CSE1L: variants seen among roughly 807,000 people sequenced by gnomAD.
CSE1L encodes chromosome segregation 1 like.
Under a neutral mutation model 120.4 loss-of-function variants are expected in CSE1L, and 24 were observed. The observed-to-expected ratio is 0.20, with a 90% confidence interval of 0.14 to 0.28. The LOEUF is 0.28. CSE1L is among the 10% of genes least tolerant of loss of function. The probability of loss-of-function intolerance (pLI) is 1.00; values close to 1 mark genes in which losing one functional copy is unlikely to be tolerated. For synonymous variants in CSE1L, 402 were observed against 398.3 expected, an observed-to-expected ratio of 1.01 and a Z score of -0.11; for missense variants, 830 against 1,145.2, an observed-to-expected ratio of 0.72 and a Z score of 3.97.
chr20:49,064,361 G>C (rs1015880940), intron 3 of CSE1L, among the ~76,000 whole-genome samples: 18 of 152,196 alleles, frequency 1.2e-4, no homozygotes, highest in African/African-American at 4.1e-4. Flanking sequence ...ATAAAAGAGA[G>C]AGTAAATATT....
chr20:49,055,896 A>G (rs956045202), intron 1 of CSE1L, among the ~76,000 whole-genome samples: 5 of 150,830 alleles, frequency 3.3e-5, no homozygotes, highest in African/African-American at 4.9e-5. Flanking sequence ...GTTTTTTTTC[A>G]TAATTTGAAT....
At chr20:49,071,520 G>T (rs2091931426) in intron 8 of CSE1L, among the ~76,000 whole-genome samples, 1 of 152,154 alleles carries the variant, frequency 6.6e-6, no homozygotes, top group South Asian at 2.1e-4. Context: ...GTCTCACTCT[G>T]TCACCAAGGC....
At chr20:49,095,814 C>A (rs896585021) in intron 24 of CSE1L, among the ~76,000 whole-genome samples, 6 of 152,108 alleles carry the variant, frequency 3.9e-5, no homozygotes, top group African/African-American at 1.4e-4. Context: ...TGAGCTATTA[C>A]AGTGCCACTG....
chr20:49,094,655 G>A, intron 23 of CSE1L, 77 bp from the exon 24 acceptor site: 1 of 950,764 alleles, frequency 1.1e-6, no homozygotes, highest in Non-Finnish European at 1.7e-6. Flanking sequence ...GTAATTTTGT[G>A]TCTCTGAGCA....
chr20:49,051,594 T>C (rs113161866), intron 1 of CSE1L, among the ~76,000 whole-genome samples: 3,381 of 152,348 alleles, frequency 0.022, 132 homozygotes, highest in African/African-American at 0.077. Flanking sequence ...GTGCAAACCT[T>C]GTAGCTTTCC....
chr20:49,093,305 A>G (rs1215427380), intron 22 of CSE1L, among the ~76,000 whole-genome samples: 1 of 152,222 alleles, frequency 6.6e-6, no homozygotes, highest in Non-Finnish European at 1.5e-5. Flanking sequence ...CCTTTGAGCC[A>G]TATTTCCACT....
chr20:49,094,888 A>G lies in CSE1L; in HGVS notation c.2751A>G (p.Val917=). The change falls in exon 24 of 25, where the codon GTA becomes GTG. Residue 917 remains valine, a synonymous_variant. Transcript: ENST00000262982. ...AFAGKKEHDP[V]GQMVNNPKIH... is the part of the protein sequence containing the mutation. ...CTGGGAAAAAAGAGCATGATCCTGT[A>G]GGTCAAATGGTGAATAACCCCAAAA... 1 of 1,614,194 alleles carries G rather than the reference A, an allele frequency of 6.2e-7. No individual in the cohort carries two copies.
chr20:49,072,178 G>A, intron 8 of CSE1L, 108 bp from the exon 9 acceptor site: 2 of 1,185,622 alleles, frequency 1.7e-6, no homozygotes, highest in South Asian at 3.0e-5. Flanking sequence ...TAACTGATTT[G>A]ATTTGGATTT....
At chr20:49,071,131 T>C (rs2091928635) in intron 8 of CSE1L, among the ~76,000 whole-genome samples, 1 of 152,216 alleles carries the variant, frequency 6.6e-6, no homozygotes, top group South Asian at 2.1e-4. Flanking sequence ...ATTAAAAATA[T>C]TTCAATACCA....
chr20:49,067,850 C>T (rs1454163983), intron 6 of CSE1L, among the ~76,000 whole-genome samples: 1 of 151,666 alleles, frequency 6.6e-6, no homozygotes, highest in African/African-American at 2.4e-5. Context: ...ATTCTCCCAC[C>T]TCAGCATTCC....
chr20:49,077,014 T>C lies in CSE1L; in HGVS notation c.1370T>C (p.Leu457Pro). The change falls in exon 13 of 25, where the codon CTA (leucine) becomes CCA (proline). Residue 457 changes from leucine (L) to proline (P), a missense_variant. Coordinates refer to ENST00000262982, the MANE Select transcript of CSE1L (RefSeq NM_001316.4). ...GITQANELVNLTEFFVNHILP... is the reference protein window; with the variant it reads ...GITQANELVNPTEFFVNHILP... ...ACACAAGCAAATGAACTTGTAAACC[T>C]AACTGAGTTCTTTGTGAATCACATC... is the stretch of plus-strand genomic sequence containing the variant. 1 of 1,607,272 alleles carries C rather than the reference T, an allele frequency of 6.2e-7. No individual in the cohort carries two copies. Among genetic ancestry groups the C allele is most frequent in the Non-Finnish European group, 8.5e-7 (1 of 1,177,940 alleles).
At position 49,063,206 on chromosome 20, in the gene CSE1L, G is replaced by A; in HGVS notation, c.90G>A (p.Glu30=). 1.9e-6 allele frequency: 3 copies of A among 1,573,810 alleles called. No homozygotes were observed. Among genetic ancestry groups the A allele is most frequent in the Non-Finnish European group, 2.6e-6 (3 of 1,166,148 alleles). The part of the protein sequence containing the change: ...DPDPAIRRPA[E]KFLESVEGNQ... ...AACATGAAAATTCTTTTACAGCTGA[G>A]AAATTTCTTGAATCTGTTGAAGGAA... Residue 30 remains glutamate, a synonymous_variant, in exon 3 of 25, where the codon GAG becomes GAA. Transcript: ENST00000262982.
At chr20:49,091,860 A>G (rs1246067472) in intron 21 of CSE1L, among the ~76,000 whole-genome samples, 186 bp from the exon 22 acceptor site, 2 of 152,262 alleles carry the variant, frequency 1.3e-5, no homozygotes. Context: ...GGAAATATAA[A>G]TCAAAGAGAG....
At chr20:49,082,328 G>C (rs2092019242) in intron 14 of CSE1L, among the ~76,000 whole-genome samples, 1 of 151,680 alleles carries the variant, frequency 6.6e-6, no homozygotes, top group Non-Finnish European at 1.5e-5. Context: ...TTTTTTGGTA[G>C]AGACAGGGTT....
intron 2 of CSE1L, among the ~76,000 whole-genome samples, chr20:49,060,625 C>A (rs6012592): frequency 0.36 from 54,735 of 151,628 alleles, 10,666 homozygotes; most frequent in African/African-American, 0.53. Context: ...AAAATACAAA[C>A]ATTAGCCAGG....
chr20:49,052,619 G>A (rs1018922242), intron 1 of CSE1L, among the ~76,000 whole-genome samples: 13 of 152,096 alleles, frequency 8.5e-5, no homozygotes, highest in Non-Finnish European at 1.6e-4. Flanking sequence ...GGATTTGGTG[G>A]TGGTGGTGGT....
intron 1 of CSE1L, among the ~76,000 whole-genome samples, chr20:49,052,613 TTGGTGG>T (rs1225899101): frequency 8.6e-5 from 13 of 151,794 alleles, no homozygotes; most frequent in Non-Finnish European, 1.8e-4. Flanking sequence ...GGTAAGGGAT[TTGGTGG>T]TGGTGGTGGT....
intron 2 of CSE1L, among the ~76,000 whole-genome samples, chr20:49,060,039 G>C (rs1275183319): frequency 2.6e-5 from 4 of 151,984 alleles, no homozygotes; most frequent in South Asian, 4.2e-4. Flanking sequence ...TTAAAAATTA[G>C]CCAAGTGTGG....
At chr20:49,088,761 C>G (rs2092078961) in intron 17 of CSE1L, among the ~76,000 whole-genome samples, 1 of 152,086 alleles carries the variant, frequency 6.6e-6, no homozygotes. Context: ...GGGAGGGAAC[C>G]CAAGTCTCCG....
Sources: allele counts gnomAD v4.1 joint callset (sites outside exome capture counted in the v4.1 genomes callset), GRCh38; gene constraint gnomAD v4.1.1; transcripts MANE v1.5; gene names NCBI Gene and HGNC (gene_info 2026-07-23, HGNC 2026-07-21).